ATP13A5: variants seen among roughly 807,000 people sequenced by gnomAD.
The protein encoded by ATP13A5 is probable cation-transporting ATPase 13A5.
In ATP13A5, 149 loss-of-function variants were observed where a neutral mutation model predicts 150.2. The ratio of observed to expected loss-of-function variants is 0.99; its 90% CI spans 0.87 to 1.14. The LOEUF is 1.14. ATP13A5 is among the 50% of genes most tolerant of loss of function. The pLI is 0.00. For synonymous variants in ATP13A5, 497 were observed against 522.2 expected, an observed-to-expected ratio of 0.95 and a Z score of 0.66; for missense variants, 1,383 against 1,449.3, an observed-to-expected ratio of 0.95 and a Z score of 0.74.
At chr3:193,290,952 C>G (rs1717927373) in intron 25 of ATP13A5, among the ~76,000 whole-genome samples, 1 of 152,080 alleles carries the variant, frequency 6.6e-6, no homozygotes, top group Non-Finnish European at 1.5e-5. Flanking sequence ...CACCTCTTCC[C>G]TTCTCACAGC....
chr3:193,336,968 T>A (rs1483607476), intron 9 of ATP13A5, among the ~76,000 whole-genome samples: 1 of 152,164 alleles, frequency 6.6e-6, no homozygotes, highest in Non-Finnish European at 1.5e-5. Flanking sequence ...GGTTTTGATT[T>A]GCATTTCTCT....
At chr3:193,275,329 A>G in intron 29 of ATP13A5, 27 bp from the exon 30 acceptor site, 1 of 1,607,830 alleles carries the variant, frequency 6.2e-7, no homozygotes, top group Non-Finnish European at 8.5e-7. Context: ...GAAAACAATC[A>G]ATTTATTGCG....
Position 193,321,806 on chromosome 3 carries a change from T to G in ATP13A5, c.1790A>C (p.Gln597Pro). The G allele has an allele frequency of 6.2e-7, 1 of 1,614,088 alleles. No homozygotes were observed. Among genetic ancestry groups the G allele is most frequent in the Non-Finnish European group, 8.5e-7 (1 of 1,180,000 alleles). Residue 597 changes from glutamine (Q) to proline (P), a missense_variant, in exon 16 of 30, where the codon CAG (glutamine) becomes CCG (proline). Physicochemically the swap from Gln to Pro is moderately conservative, Grantham distance 76. This residue lies in a region of ATP13A5 where 787 missense variants were observed against 771.9 expected (regional missense o/e 1.02). Coordinates refer to ENST00000342358, the MANE Select transcript of ATP13A5 (RefSeq NM_198505.4). The part of the protein sequence containing the change: ...SPVEAIITLC[Q>P]FPFSSSLQRM... ...CTGCAGGCTCGAGGAAAATGGAAAC[T>G]GGCACAAGGTGATGATGGCTTCCAC... is the stretch of plus-strand genomic sequence containing the variant.
At chr3:193,314,679 G>A (rs1308623924) in intron 18 of ATP13A5, among the ~76,000 whole-genome samples, 1 of 152,226 alleles carries the variant, frequency 6.6e-6, no homozygotes, top group South Asian at 2.1e-4. Flanking sequence ...TGGGTTTCTT[G>A]ATGAGAACAC....
chr3:193,377,219 C>T (rs1026107484), intron 1 of ATP13A5, among the ~76,000 whole-genome samples: 1 of 152,216 alleles, frequency 6.6e-6, no homozygotes, highest in Non-Finnish European at 1.5e-5. Context: ...AATTGTTCAG[C>T]AGTGAACACA....
rs117757108 is a variant in ATP13A5, at chr3:193,346,597, T to C, written c.742-1522A>G. Among the ~76,000 whole-genome samples, 17 of 152,320 alleles carry C rather than the reference T, an allele frequency of 1.1e-4. No homozygotes were observed. The East Asian group carries it at 3.3e-3, about 29-fold the overall frequency. ...AACCTAATTCAAATGTAAAACTTTT[T>C]TTCTTTTAGCTGTTAAATTGTTTTG... On this transcript the variant is annotated intron_variant, in intron 7 of 29. Transcript: ENST00000342358.
chr3:193,354,098 TC>T (rs767731527), intron 6 of ATP13A5, 28 bp downstream of exon 6: 2 of 1,523,412 alleles, frequency 1.3e-6, no homozygotes, highest in Non-Finnish European at 1.8e-6. Flanking sequence ...ATCTATTTTT[TC>T]AAAAAAAAAA....
At chr3:193,286,200 A>C (rs1228832998) in intron 26 of ATP13A5, among the ~76,000 whole-genome samples, 1 of 152,156 alleles carries the variant, frequency 6.6e-6, no homozygotes, top group Non-Finnish European at 1.5e-5. Context: ...CTTTTAAACC[A>C]CTATTACAAC....
chr3:193,332,874 G>A (rs1443150423), intron 11 of ATP13A5, among the ~76,000 whole-genome samples: 1 of 152,010 alleles, frequency 6.6e-6, no homozygotes, highest in Non-Finnish European at 1.5e-5. Context: ...GCTTCCATGA[G>A]CTTTTTTCCT....
At chr3:193,277,237 C>A (rs866050233) in intron 28 of ATP13A5, among the ~76,000 whole-genome samples, 2 of 152,170 alleles carry the variant, frequency 1.3e-5, no homozygotes, top group African/African-American at 4.8e-5. Context: ...GGAATTCATT[C>A]TTTAAGGAGG....
intron 16 of ATP13A5, among the ~76,000 whole-genome samples, chr3:193,320,624 GAAGAA>G (rs1300026358): frequency 1.1e-5 from 1 of 94,798 alleles, no homozygotes; most frequent in Non-Finnish European, 2.3e-5. Context: ...ATCAAAGACA[GAAGAA>G]AAGGGGCTAA....
intron 9 of ATP13A5, among the ~76,000 whole-genome samples, chr3:193,335,558 G>A (rs919941444): frequency 6.6e-6 from 1 of 152,102 alleles, no homozygotes; most frequent in African/African-American, 2.4e-5. Flanking sequence ...ACTGTGCTAG[G>A]TGCTAGGAAT....
At chr3:193,362,183 T>C (rs73198905) in intron 5 of ATP13A5, among the ~76,000 whole-genome samples, 198 bp downstream of exon 5, 5,085 of 152,296 alleles carry the variant, frequency 0.033, 116 homozygotes, top group Middle Eastern at 0.071. Context: ...TTTTATATGA[T>C]TGCATTGTTC....
chr3:193,326,910 C>T, intron 13 of ATP13A5, 86 bp downstream of exon 13: 1 of 1,141,846 alleles, frequency 8.8e-7, no homozygotes, highest in Non-Finnish European at 1.3e-6. Context: ...ATGTGACATT[C>T]ATCCCTTAAC....
chr3:193,360,753 T>C (rs1376001547), intron 5 of ATP13A5, among the ~76,000 whole-genome samples: 1 of 152,160 alleles, frequency 6.6e-6, no homozygotes, highest in Non-Finnish European at 1.5e-5. Context: ...CTCAGCTCTC[T>C]GCAACCTCCG....
intron 1 of ATP13A5, among the ~76,000 whole-genome samples, chr3:193,374,018 C>G (rs1004991286): frequency 2.0e-5 from 3 of 152,148 alleles, no homozygotes; most frequent in Non-Finnish European, 4.4e-5. Context: ...ATGAATGAAG[C>G]AGCACTTGTG....
intron 9 of ATP13A5, among the ~76,000 whole-genome samples, chr3:193,338,228 T>G (rs1462083081): frequency 6.6e-6 from 1 of 152,204 alleles, no homozygotes; most frequent in African/African-American, 2.4e-5. Flanking sequence ...CTTTATTTCT[T>G]TCTCCTGCCT....
In ATP13A5 at chr3:193,331,249, C is replaced by T. The variant is rs762073728; in HGVS notation, c.1335G>A (p.Val445=). The change falls in exon 12 of 30, where the codon GTG becomes GTA. Residue 445 remains valine (V), a synonymous_variant. Transcript: ENST00000342358. ...TGCCTATGGTCAGGGCAGCTGGCAG[C>T]ACTGGAGGGACAGTCACGGTGAGGA... ...LILLTVTVPP[V]LPAALTIGNV... The T allele has an allele frequency of 1.7e-5, 27 of 1,614,072 alleles. No individual in the cohort carries two copies. In the East Asian group the frequency reaches 5.3e-4, roughly 32 times the overall value.
chr3:193,304,510 A>G (rs1291622721), intron 23 of ATP13A5, among the ~76,000 whole-genome samples: 1 of 152,206 alleles, frequency 6.6e-6, no homozygotes, highest in African/African-American at 2.4e-5. Flanking sequence ...TCTTTTTTGT[A>G]TGAATCTCAA....
Sources: allele counts gnomAD v4.1 joint callset (sites outside exome capture counted in the v4.1 genomes callset), GRCh38; gene constraint gnomAD v4.1.1; regional missense constraint gnomAD v4.1.1; transcripts MANE v1.5; gene names NCBI Gene and HGNC (gene_info 2026-07-23, HGNC 2026-07-21).